Variants in G3BP1 observed in about 807,000 individuals in gnomAD.
G3BP1 encodes the protein G3BP stress granule assembly factor 1.
Under a neutral mutation model 58.6 loss-of-function variants are expected in G3BP1, and 35 were observed. The ratio of observed to expected loss-of-function variants is 0.60; its 90% CI spans 0.46 to 0.79. The LOEUF (loss-of-function observed/expected upper bound fraction) is 0.79. Ranked by LOEUF, G3BP1 falls within the 30% of genes least tolerant of loss-of-function variation. The pLI is 0.00. For synonymous variants in G3BP1, 191 were observed against 195.4 expected (o/e 0.98, Z 0.19); for missense variants, 523 against 580.8 (o/e 0.90, Z 1.02).
intron 1 of G3BP1, among the ~76,000 whole-genome samples, chr5:151,776,457 T>G (rs1232190956): frequency 6.6e-6 from 1 of 152,150 alleles, no homozygotes; most frequent in East Asian, 1.9e-4. Context: ...AAGCTACTGT[T>G]ATTATTTTGG....
rs1269842837 is a variant in G3BP1 at position 151,803,755 on chromosome 5, A to G, written c.1195-130A>G. On this transcript the variant is annotated intron_variant, in intron 11 of 11. Coordinates refer to ENST00000356245, the MANE Select transcript of G3BP1 (RefSeq NM_005754.3). Reference sequence around the variant, plus strand: ...GTAATCCACCCGTCTCGGCCTCCCAAAGTGCTGGGATTACAGGCATGAGTC... The same window carrying G: ...GTAATCCACCCGTCTCGGCCTCCCAGAGTGCTGGGATTACAGGCATGAGTC... 3.1e-5 allele frequency: 19 copies of G among 609,978 alleles called. No individual in the cohort carries two copies. In the East Asian group the frequency reaches 5.0e-4, roughly 16 times the overall value. The allele number at this position is 609,978 out of a possible 1,614,324, so 37.8% of individuals were successfully genotyped here.
chr5:151,803,582 T>C (rs1289072785), intron 11 of G3BP1, among the ~76,000 whole-genome samples: 1 of 152,092 alleles, frequency 6.6e-6, no homozygotes, highest in Non-Finnish European at 1.5e-5. Flanking sequence ...AACCTCCGCC[T>C]CCTGGGTTCA....
intron 6 of G3BP1, among the ~76,000 whole-genome samples, chr5:151,796,179 C>T (rs1013026879): frequency 1.1e-4 from 17 of 152,186 alleles, no homozygotes; most frequent in African/African-American, 4.1e-4. Context: ...TCAGGTTACT[C>T]ACTTGGGTTG....
intron 1 of G3BP1, among the ~76,000 whole-genome samples, chr5:151,777,661 G>A (rs1762395798): frequency 6.6e-6 from 1 of 152,210 alleles, no homozygotes; most frequent in South Asian, 2.1e-4. Context: ...GAGCCCAGAT[G>A]TTTGAGGCTG....
At chr5:151,799,463 ATC>A in intron 8 of G3BP1, 150 bp downstream of exon 8, 1 of 618,844 alleles carries the variant, frequency 1.6e-6, no homozygotes, top group Non-Finnish European at 2.9e-6. Flanking sequence ...AAGCCAGCTG[ATC>A]ACTGGAGCCT....
At chr5:151,785,504 T>G (rs923322518) in intron 1 of G3BP1, among the ~76,000 whole-genome samples, 2 of 152,242 alleles carry the variant, frequency 1.3e-5, no homozygotes, top group African/African-American at 4.8e-5. Flanking sequence ...ATATATTCTC[T>G]GTTTGCCTGT....
intron 11 of G3BP1, 73 bp downstream of exon 11, chr5:151,800,942 A>G: frequency 1.4e-6 from 1 of 718,432 alleles, no homozygotes; most frequent in East Asian, 2.6e-5. Flanking sequence ...ATATATCTTT[A>G]CAGCTGGGTC....
chr5:151,773,894 G>A (rs1280609234), intron 1 of G3BP1, among the ~76,000 whole-genome samples: 2 of 152,078 alleles, frequency 1.3e-5, no homozygotes, highest in African/African-American at 2.4e-5. Context: ...ACTGCTTGAG[G>A]CAAAATAGAA....
At chr5:151,798,284 G>A (rs1227545365) in intron 7 of G3BP1, among the ~76,000 whole-genome samples, 2 of 152,092 alleles carry the variant, frequency 1.3e-5, no homozygotes, top group Non-Finnish European at 2.9e-5. Flanking sequence ...GGGAAGTCAA[G>A]GCTGCAGTGA....
Position 151,808,423 on chromosome 5 carries a change from T to C in G3BP1, c.*4332T>C, listed in dbSNP as rs977843911. The C allele has an allele frequency of 4.6e-5, 7 of 152,240 alleles. No homozygotes were observed. The highest frequency in any genetic ancestry group is 1.4e-4 in the African/African-American group (6 of 41,470). 9.4% of individuals were successfully genotyped at this position (152,240 alleles called of 1,614,324 possible). A position where few individuals can be genotyped will look rare whatever the true frequency, so the allele number is the denominator to read the frequency against. On this transcript the variant is annotated 3_prime_UTR_variant, in exon 12 of 12. Coordinates refer to ENST00000356245, the MANE Select transcript of G3BP1 (RefSeq NM_005754.3). ...ATTACCTAAAACCCTTAACCAGTTT[T>C]GGTTTTTGATTATGCATATGTGTTG...
chr5:151,780,882 T>C (rs183991745), intron 1 of G3BP1, among the ~76,000 whole-genome samples: 1 of 152,266 alleles, frequency 6.6e-6, no homozygotes, highest in East Asian at 1.9e-4. Context: ...GATGGGGAGT[T>C]TCTTTGAAGT....
chr5:151,772,401 A>G (rs6890099), intron 1 of G3BP1: 32,548 of 152,174 alleles, frequency 0.21, 3,914 homozygotes, highest in South Asian at 0.32. Context: ...CGCCCGCGGC[A>G]CCTTTTCCTC....
chr5:151,797,361 A>C lies in G3BP1; in HGVS notation c.674A>C (p.Glu225Ala), dbSNP rs1404223238. Residue 225 changes from glutamate to alanine, a missense_variant, in exon 7 of 12, where the codon GAG becomes GCG. By Grantham distance (107) the Glu-to-Ala change is moderately radical (BLOSUM62 -1). Coordinates refer to ENST00000356245, the MANE Select transcript of G3BP1 (RefSeq NM_005754.3). Reference sequence around the variant, plus strand: ...CCAGTATTAGAAGAAACTGCCCCTGAGGATGCTCAGAAGAGTTCTTCTCCA... The same window carrying C: ...CCAGTATTAGAAGAAACTGCCCCTGCGGATGCTCAGAAGAGTTCTTCTCCA... ...PEPVLEETAP[E>A]DAQKSSSPAP... The C allele has an allele frequency of 6.2e-7, 1 of 1,614,114 alleles. No homozygotes were observed. Among genetic ancestry groups the C allele is most frequent in the African/African-American group, 1.3e-5 (1 of 75,056 alleles).
intron 1 of G3BP1, among the ~76,000 whole-genome samples, chr5:151,784,926 C>T (rs1211647421): frequency 6.6e-6 from 1 of 152,160 alleles, no homozygotes; most frequent in Admixed American, 6.5e-5. Context: ...TGAAACTTAA[C>T]TTCAGTACAA....
At chr5:151,783,137 G>A (rs1015163553) in intron 1 of G3BP1, among the ~76,000 whole-genome samples, 2 of 152,034 alleles carry the variant, frequency 1.3e-5, no homozygotes, top group Non-Finnish European at 2.9e-5. Flanking sequence ...GGTTACAAGC[G>A]TGAGCCACTG....
At chr5:151,795,711 T>C in intron 6 of G3BP1, 136 bp downstream of exon 6, 1 of 534,346 alleles carries the variant, frequency 1.9e-6, no homozygotes, top group Non-Finnish European at 3.4e-6. Flanking sequence ...GTTTTGTTTC[T>C]GGTAATTTTG....
chr5:151,807,438 A>C lies in G3BP1; in HGVS notation c.*3347A>C, dbSNP rs533136022. 6.6e-6 allele frequency: 1 copy of C among 152,352 alleles called. No homozygotes were observed. The highest frequency in any genetic ancestry group is 1.9e-4 in the East Asian group (1 of 5,186). The allele number at this position is 152,352 out of a possible 1,614,324, so 9.4% of individuals were successfully genotyped here. ...AGACTTGAGTCTGGAATACATTCAG[A>C]ACAAGGTTAACATTACAGTTCTTAA... On this transcript the variant is annotated 3_prime_UTR_variant, in exon 12 of 12. Coordinates refer to ENST00000356245, the MANE Select transcript of G3BP1 (RefSeq NM_005754.3).
At chr5:151,784,328 CA>C (rs1229779105) in intron 1 of G3BP1, among the ~76,000 whole-genome samples, 3 of 152,174 alleles carry the variant, frequency 2.0e-5, no homozygotes, top group African/African-American at 7.2e-5. Context: ...TAATCTCAAA[CA>C]ACATTTTTTA....
Position 151,799,999 on chromosome 5 carries a change from A to G in G3BP1, c.954A>G (p.Pro318=). 6.3e-7 allele frequency: 1 copy of G among 1,578,152 alleles called. No homozygotes were observed. The highest frequency in any genetic ancestry group is 8.7e-7 in the Non-Finnish European group (1 of 1,148,354). ...TTCCTCCCCAAAGGGGACCCAGACC[A>G]AGTAAGAGCTCAGAAGGGCGATTTC... ...INIPPQRGPR[P]IREAGEQGDI... Residue 318 remains proline (P), a splice_region_variant and synonymous_variant, in exon 9 of 12, where the codon CCA becomes CCG. Coordinates refer to ENST00000356245, the MANE Select transcript of G3BP1 (RefSeq NM_005754.3).
Sources: allele counts gnomAD v4.1 joint callset (sites outside exome capture counted in the v4.1 genomes callset), GRCh38; gene constraint gnomAD v4.1.1; transcripts MANE v1.5; gene names NCBI Gene and HGNC (gene_info 2026-07-23, HGNC 2026-07-21).